COQ8B: variants seen among roughly 807,000 people sequenced by gnomAD.
COQ8B encodes atypical kinase COQ8B, mitochondrial.
A neutral mutation model predicts 62.0 loss-of-function variants in COQ8B; 44 were observed. The observed-to-expected ratio is 0.71, with a 90% CI of 0.56 to 0.91. The LOEUF is 0.91. Among genes scored for constraint, COQ8B ranks in the 40% least tolerant of loss-of-function variants. The pLI, the probability that COQ8B is intolerant of heterozygous loss-of-function variation, is 0.00. For missense variants in COQ8B, 649 were observed against 731.6 expected (o/e 0.89, Z 1.30); for synonymous variants, 252 against 289.9 (o/e 0.87, Z 1.33).
Position 40,703,764 on chromosome 19 carries a change from A to C in COQ8B, c.668T>G (p.Val223Gly). Residue 223 changes from valine to glycine, a missense_variant, in exon 8 of 15, where the codon GTG becomes GGG. Val to Gly is a moderately radical substitution (Grantham distance 109). Coordinates refer to ENST00000324464, the MANE Select transcript of COQ8B (RefSeq NM_024876.4). ...VPFAAASIGQ[V>G]HQGLLRDGTE... is the part of the protein sequence containing the mutation. ...CCCGTCCCTCAGCAGGCCCTGGTGC[A>C]CCTGCCCAATTGAGGCAGCGGCAAA... The C allele has an allele frequency of 6.2e-7, 1 of 1,613,918 alleles. No individual in the cohort carries two copies. The highest frequency in any genetic ancestry group is 8.5e-7 in the Non-Finnish European group (1 of 1,179,968).
At chr19:40,704,981 G>A (rs1326186800) in intron 7 of COQ8B, 115 bp downstream of exon 7, 1 of 988,668 alleles carries the variant, frequency 1.0e-6, no homozygotes, top group African/African-American at 1.6e-5. Flanking sequence ...CCATTTTACA[G>A]ATGGGGAAAG....
At chr19:40,695,954 C>A (rs757937743) in intron 13 of COQ8B, 35 bp downstream of exon 13, 5 of 1,607,208 alleles carry the variant, frequency 3.1e-6, no homozygotes, top group Non-Finnish European at 4.3e-6. Context: ...TGAGCCTCAG[C>A]CTTTCAGAGG....
At chr19:40,700,586 T>G in intron 10 of COQ8B, 135 bp from the exon 11 acceptor site, 1 of 1,131,646 alleles carries the variant, frequency 8.8e-7, no homozygotes, top group Non-Finnish European at 1.2e-6. Flanking sequence ...CATCTCTTGC[T>G]GCTGTCTGCC....
At chr19:40,704,002 T>C (rs1568440491) in intron 7 of COQ8B, 147 bp from the exon 8 acceptor site, 2 of 1,096,846 alleles carry the variant, frequency 1.8e-6, no homozygotes, top group African/African-American at 1.6e-5. Flanking sequence ...ATGAGGAAAC[T>C]GAGGCTCAGA....
chr19:40,716,386 AC>A (rs2144724087), intron 1 of COQ8B, among the ~76,000 whole-genome samples, 200 bp downstream of exon 1: 1 of 152,306 alleles, frequency 6.6e-6, no homozygotes, highest in Admixed American at 6.5e-5. Context: ...GCCCGGGGCC[AC>A]ATGCTTCACA....
chr19:40,710,174 TG>T, intron 4 of COQ8B, 38 bp from the exon 5 acceptor site: 1 of 1,598,968 alleles, frequency 6.3e-7, no homozygotes, highest in South Asian at 1.1e-5. Context: ...CCCGTTTGCC[TG>T]GGGTGCCCCC....
intron 12 of COQ8B, 117 bp downstream of exon 12, chr19:40,699,950 G>T: frequency 1.0e-6 from 1 of 954,882 alleles, no homozygotes; most frequent in Admixed American, 2.2e-5. Flanking sequence ...ACTTGGAAAA[G>T]GGCCACCCCT....
At chr19:40,714,724 T>G in intron 1 of COQ8B, 89 bp from the exon 2 acceptor site, 1 of 1,341,202 alleles carries the variant, frequency 7.5e-7, no homozygotes, top group Non-Finnish European at 1.0e-6. Flanking sequence ...CCCTCTCTCA[T>G]TCCCACCCAC....
At chr19:40,715,183 CTCCA>C (rs2082176459) in intron 1 of COQ8B, 1 of 985,710 alleles carries the variant, frequency 1.0e-6, no homozygotes, top group Non-Finnish European at 1.2e-6. Flanking sequence ...CACGGAGTTT[CTCCA>C]TCTGTGCGCG....
rs758057315 is a variant in COQ8B at position 40,703,566 on chromosome 19, G to C, written c.774C>G (p.Leu258=). 3 of 1,609,362 alleles carry C rather than the reference G, an allele frequency of 1.9e-6. No homozygotes were observed. Among genetic ancestry groups the C allele is most frequent in the Non-Finnish European group, 2.5e-6 (3 of 1,176,902 alleles). The change falls in exon 9 of 15, where the codon CTC becomes CTG. Residue 258 remains leucine (L), a synonymous_variant. Coordinates refer to ENST00000324464, the MANE Select transcript of COQ8B (RefSeq NM_024876.4). ...QSDVQNLLAV[L]KMSAALPAGL... is the part of the protein sequence containing the mutation. ...CCGCGGGCAGGGCCGCGCTCATCTTGAGTACCGCCAGCAGGTTCTGGACAT... is the reference window on the plus strand; with the variant it reads ...CCGCGGGCAGGGCCGCGCTCATCTTCAGTACCGCCAGCAGGTTCTGGACAT...
At chr19:40,697,845 T>TAGAGAGAG (rs1370534076) in intron 12 of COQ8B, among the ~76,000 whole-genome samples, 11 of 52,506 alleles carry the variant, frequency 2.1e-4, no homozygotes, top group African/African-American at 4.6e-4. Context: ...TATATATATA[T>TAGAGAGAG]ATATATAGAG....
chr19:40,693,924 G>A (rs1327206734), intron 13 of COQ8B, among the ~76,000 whole-genome samples: 9 of 152,254 alleles, frequency 5.9e-5, no homozygotes, highest in Middle Eastern at 3.4e-3. Flanking sequence ...AGGGGGATTC[G>A]GGATTAATTC....
chr19:40,698,708 C>T (rs955064525), intron 12 of COQ8B, among the ~76,000 whole-genome samples: 14 of 152,100 alleles, frequency 9.2e-5, no homozygotes, highest in Admixed American at 1.3e-4. Flanking sequence ...TCCGTGGGGC[C>T]ACAGGATGCT....
intron 12 of COQ8B, among the ~76,000 whole-genome samples, chr19:40,698,396 G>A (rs1568438100): frequency 6.6e-6 from 1 of 151,778 alleles, no homozygotes; most frequent in East Asian, 1.9e-4. Flanking sequence ...AAATTAGCCA[G>A]GTGTGGTGGC....
intron 5 of COQ8B, among the ~76,000 whole-genome samples, chr19:40,706,677 C>A (rs1303334415): frequency 6.6e-6 from 1 of 152,180 alleles, no homozygotes; most frequent in Non-Finnish European, 1.5e-5. Flanking sequence ...TCAGACTGGT[C>A]TCAAATTCCT....
chr19:40,694,620 C>T (rs1230283930), intron 13 of COQ8B, among the ~76,000 whole-genome samples: 2 of 152,212 alleles, frequency 1.3e-5, no homozygotes, highest in African/African-American at 4.8e-5. Flanking sequence ...ACCTCCAGAC[C>T]AGAATCTGCA....
chr19:40,714,026 C>T, intron 4 of COQ8B, 41 bp downstream of exon 4: 1 of 1,604,950 alleles, frequency 6.2e-7, no homozygotes, highest in Non-Finnish European at 8.5e-7. Flanking sequence ...GTTGCCCTTT[C>T]TAATTGAGGT....
intron 9 of COQ8B, 110 bp from the exon 10 acceptor site, chr19:40,702,803 A>G (rs1325239856): frequency 1.6e-5 from 15 of 956,866 alleles, no homozygotes; most frequent in Non-Finnish European, 2.4e-5. Context: ...CACAGCTCCT[A>G]CTCTAGGCCT....
At chr19:40,702,853 C>T (rs573051111) in intron 9 of COQ8B, among the ~76,000 whole-genome samples, 160 bp from the exon 10 acceptor site, 4 of 152,190 alleles carry the variant, frequency 2.6e-5, no homozygotes, top group African/African-American at 9.6e-5. Context: ...CCACGCAGCT[C>T]CTGCTCCTGC....
Sources: allele counts gnomAD v4.1 joint callset (sites outside exome capture counted in the v4.1 genomes callset), GRCh38; gene constraint gnomAD v4.1.1; transcripts MANE v1.5; gene names NCBI Gene and HGNC (gene_info 2026-07-23, HGNC 2026-07-21).